The following KSR1 variants were observed in gnomAD, a reference collection of about 807,000 sequenced individuals.
KSR1 encodes kinase suppressor of ras 1.
A neutral mutation model predicts 92.9 loss-of-function variants in KSR1; 35 were observed. The ratio of observed to expected loss-of-function variants is 0.38; its 90% CI spans 0.29 to 0.50. The LOEUF is 0.50. KSR1 is among the 20% of genes least tolerant of loss of function. The pLI, the probability that KSR1 is intolerant of heterozygous loss-of-function variation, is 0.94. For synonymous variants in KSR1, 467 were observed against 472.6 expected (o/e 0.99, Z 0.15); for missense variants, 972 against 1,158.5 (o/e 0.84, Z 2.34).
chr17:27,546,345 C>T (rs1363904641), intron 1 of KSR1, among the ~76,000 whole-genome samples: 3 of 152,186 alleles, frequency 2.0e-5, no homozygotes, highest in Non-Finnish European at 2.9e-5. Flanking sequence ...TAGGTGTCAT[C>T]GTTCCTGTTT....
rs763911449 is a variant in KSR1, at chr17:27,532,010, G to A, written c.232-18558G>A. Among the ~76,000 whole-genome samples the A allele has an allele frequency of 8.5e-5, 13 of 152,152 alleles. No individual in the cohort carries two copies. The South Asian group carries it at 1.2e-3, about 15-fold the overall frequency. ...GAGTGCTGGACAGAACCAGGAGACC[G>A]TCCTGGCACTGCCTTCTACTTTGTG... On this transcript the variant is annotated intron_variant, in intron 1 of 20. Transcript: ENST00000644974.
rs534394106 is a variant in KSR1, at chr17:27,575,343, A to G, written c.373-2149A>G. Reference sequence around the variant, plus strand: ...GCCCCTCCCCCTCTTTAGACCATATAGGGTAACTTCTGGGCATTGCCATGG... The same window carrying G: ...GCCCCTCCCCCTCTTTAGACCATATGGGGTAACTTCTGGGCATTGCCATGG... On this transcript the variant is annotated intron_variant, in intron 2 of 20. Transcript: ENST00000644974. Among the ~76,000 whole-genome samples, 403 of 152,250 alleles carry G rather than the reference A, an allele frequency of 2.6e-3. 1 individual carries two copies. Among genetic ancestry groups the G allele is most frequent in the Non-Finnish European group, 4.5e-3 (306 of 68,008 alleles).
Position 27,617,364 on chromosome 17 carries a change from C to G in KSR1, c.2563C>G (p.Leu855Val). The G allele has an allele frequency of 6.2e-7, 1 of 1,613,014 alleles. No individual in the cohort carries two copies. The highest frequency in any genetic ancestry group is 8.5e-7 in the Non-Finnish European group (1 of 1,179,380). ...RPSFSLLMDM[L>V]EKLPKLNRRL... Reference sequence around the variant, plus strand: ...CAGCTTCAGCCTGCTGATGGACATGCTGGAGAAACTTCCCAAGCTGAACCG... The same window carrying G: ...CAGCTTCAGCCTGCTGATGGACATGGTGGAGAAACTTCCCAAGCTGAACCG... The change falls in exon 19 of 21, where the codon CTG becomes GTG. Residue 855 changes from leucine (L) to valine (V), a missense_variant. Leu to Val is a conservative substitution (Grantham distance 32, BLOSUM62 1). Coordinates refer to ENST00000644974, the MANE Select transcript of KSR1 (RefSeq NM_001394583.1).
At chr17:27,491,557 TAC>T (rs1381146675) in intron 1 of KSR1, among the ~76,000 whole-genome samples, 2 of 152,080 alleles carry the variant, frequency 1.3e-5, no homozygotes, top group East Asian at 3.9e-4. Flanking sequence ...CTCCTAATAG[TAC>T]TTACTTGGGG....
Position 27,577,461 on chromosome 17 carries a change from C to CT in KSR1, c.373-31_373-30insT. On this transcript the variant is annotated intron_variant, in intron 2 of 20. Coordinates refer to ENST00000644974, the MANE Select transcript of KSR1 (RefSeq NM_001394583.1). The surrounding 1 kb of genome is among the most constrained non-coding windows in gnomAD (Gnocchi z 4.5). ...GCTCCCGGCCCAGCCGACTGCTCACCGCCTCTCTGCCTGTCCCTCTGTCCC... is the reference window on the plus strand; with the variant it reads ...GCTCCCGGCCCAGCCGACTGCTCACCTGCCTCTCTGCCTGTCCCTCTGTCCC... The CT allele has an allele frequency of 7.3e-7, 1 of 1,368,796 alleles. No individual in the cohort carries two copies. The highest frequency in any genetic ancestry group is 1.4e-5 in the African/African-American group (1 of 69,982). The allele number at this position is 1,368,796 out of a possible 1,614,324, so 84.8% of individuals were successfully genotyped here. A position where few individuals can be genotyped will look rare whatever the true frequency, so the allele number is the denominator to read the frequency against.
intron 1 of KSR1, among the ~76,000 whole-genome samples, chr17:27,492,329 TCTC>T (rs1159233501): frequency 6.6e-6 from 1 of 151,790 alleles, no homozygotes; most frequent in Non-Finnish European, 1.5e-5. Context: ...AAGGCAGGAG[TCTC>T]CTCAACTCAC....
At chr17:27,531,121 C>G (rs1220786732) in intron 1 of KSR1, among the ~76,000 whole-genome samples, 1 of 152,238 alleles carries the variant, frequency 6.6e-6, no homozygotes, top group Admixed American at 6.5e-5. Context: ...ACCAGCCCTT[C>G]CCCGCTTCAT....
chr17:27,590,949 C>A, intron 7 of KSR1, 55 bp downstream of exon 7: 4 of 1,443,806 alleles, frequency 2.8e-6, no homozygotes, highest in South Asian at 2.4e-5. Flanking sequence ...TTCAGTAAAT[C>A]AAATGCGCTT....
intron 11 of KSR1, among the ~76,000 whole-genome samples, chr17:27,601,704 A>G (rs962395624): frequency 6.6e-6 from 1 of 152,234 alleles, no homozygotes; most frequent in African/African-American, 2.4e-5. Context: ...CAGAAGGACT[A>G]GAATCTGGGT....
intron 7 of KSR1, 38 bp from the exon 8 acceptor site, chr17:27,592,323 T>A: frequency 1.3e-6 from 2 of 1,572,954 alleles, no homozygotes; most frequent in Non-Finnish European, 1.7e-6. Context: ...AGCCCCCCCA[T>A]GTGGTGCTTT....
intron 1 of KSR1, among the ~76,000 whole-genome samples, chr17:27,534,407 A>G (rs1311590036): frequency 6.6e-6 from 1 of 152,268 alleles, no homozygotes; most frequent in African/African-American, 2.4e-5. Flanking sequence ...GAGATGGCTG[A>G]CAATGAGTGT....
intron 18 of KSR1, among the ~76,000 whole-genome samples, chr17:27,611,869 CT>C (rs1004968949): frequency 8.2e-4 from 122 of 149,466 alleles, no homozygotes; most frequent in Middle Eastern, 6.9e-3. Context: ...TCCTTTCAGT[CT>C]TTTTTTTTTC....
chr17:27,466,522 AGGGCAT>A (rs1226118674), intron 1 of KSR1, among the ~76,000 whole-genome samples: 8 of 152,178 alleles, frequency 5.3e-5, no homozygotes, highest in African/African-American at 7.2e-5. Context: ...GTTGGTGTTA[AGGGCAT>A]GGTCTGCTCA....
chr17:27,461,996 C>A (rs1034123774), intron 1 of KSR1, among the ~76,000 whole-genome samples: 7 of 142,242 alleles, frequency 4.9e-5, no homozygotes, highest in Admixed American at 7.1e-5. Flanking sequence ...GCCATCCTTT[C>A]AGAAGAGGCT....
Position 27,462,190 on chromosome 17 carries a change from C to T in KSR1, c.231+5316C>T, listed in dbSNP as rs1221786263. On this transcript the variant is annotated intron_variant, in intron 1 of 20. Transcript: ENST00000644974. The stretch of plus-strand genomic sequence containing the variant: ...TTGCACCTTAACATTCACAATGATG[C>T]TATGAGGCCTTATCCTGATGTTGCA... 3.9e-5 allele frequency among the ~76,000 whole-genome samples: 6 copies of T among 152,284 alleles called. No homozygotes were observed. In the East Asian group the frequency reaches 9.6e-4, roughly 24 times the overall value.
intron 14 of KSR1, 92 bp from the exon 15 acceptor site, chr17:27,607,822 G>A: frequency 1.1e-6 from 1 of 904,032 alleles, no homozygotes; most frequent in Non-Finnish European, 1.8e-6. Context: ...CTTGCAGGCA[G>A]ACGGGCACAG....
chr17:27,509,034 G>A (rs2069499840), intron 1 of KSR1, among the ~76,000 whole-genome samples: 1 of 151,864 alleles, frequency 6.6e-6, no homozygotes, highest in Non-Finnish European at 1.5e-5. Context: ...CCCAGCCTGG[G>A]CCTGAAGTTT....
At chr17:27,571,690 T>C (rs1387462204) in intron 2 of KSR1, among the ~76,000 whole-genome samples, 1 of 152,254 alleles carries the variant, frequency 6.6e-6, no homozygotes, top group Non-Finnish European at 1.5e-5. Flanking sequence ...TGAGGCATGT[T>C]CTAGGGATGC....
At chr17:27,503,586 G>C (rs1341239006) in intron 1 of KSR1, among the ~76,000 whole-genome samples, 1 of 152,260 alleles carries the variant, frequency 6.6e-6, no homozygotes, top group African/African-American at 2.4e-5. Context: ...CCTGCTTGTG[G>C]TCGTTGGTGC....
Sources: gnomAD v4.1 joint callset for allele counts (sites outside exome capture counted in the v4.1 genomes callset) on GRCh38, gnomAD v4.1.1 for gene constraint, Gnocchi (gnomAD v3.1) non-coding constraint, MANE v1.5 for transcripts, NCBI Gene and HGNC (gene_info 2026-07-23, HGNC 2026-07-21) for gene names.